Variants in CA10 observed in about 807,000 individuals in gnomAD.
The protein encoded by CA10 is carbonic anhydrase-related protein 10.
In CA10, 14 loss-of-function variants were observed where a neutral mutation model predicts 44.2. The ratio of observed to expected loss-of-function variants is 0.32; its 90% CI spans 0.21 to 0.50. The LOEUF is 0.50. CA10 is among the 20% of genes least tolerant of loss of function. The probability of loss-of-function intolerance (pLI) is 0.99; values close to 1 mark genes in which losing one functional copy is unlikely to be tolerated. For missense variants in CA10, 350 were observed against 409.7 expected (o/e 0.85, Z 1.26); for synonymous variants, 159 against 141.6 (o/e 1.12, Z -0.87).
Position 51,717,831 on chromosome 17 carries a change from A to G in CA10, c.465+29802T>C, listed in dbSNP as rs56020047. Among the ~76,000 whole-genome samples the G allele has an allele frequency of 2.5e-3, 120 of 47,260 alleles. 8 individuals carry two copies. Among genetic ancestry groups the G allele is most frequent in the African/African-American group, 9.1e-3 (74 of 8,136 alleles). The allele number at this position is 47,260 out of a possible 152,430, so 31.0% of individuals were successfully genotyped here. A position where few individuals can be genotyped will look rare whatever the true frequency, so the allele number is the denominator to read the frequency against. ...TATACACGTATATATATGTGTGTGT[A>G]TATATATATATATATATATATATAT... is the stretch of plus-strand genomic sequence containing the variant. On this transcript the variant is annotated intron_variant, in intron 4 of 8. Coordinates refer to ENST00000451037, the MANE Select transcript of CA10 (RefSeq NM_020178.5).
intron 3 of CA10, among the ~76,000 whole-genome samples, chr17:51,768,586 T>A (rs918766555): frequency 9.2e-5 from 14 of 152,194 alleles, no homozygotes; most frequent in African/African-American, 3.4e-4. Flanking sequence ...TCTGCTTACA[T>A]GGGGAGAGAC....
chr17:51,692,416 T>TATCTATCTA (rs1567805334), intron 4 of CA10, among the ~76,000 whole-genome samples: 1 of 125,300 alleles, frequency 8.0e-6, no homozygotes, highest in African/African-American at 2.6e-5. Flanking sequence ...TCTATCTATC[T>TATCTATCTA]ATCTATCTAT....
chr17:51,812,807 A>G (rs1232698577), intron 3 of CA10, among the ~76,000 whole-genome samples: 1 of 152,118 alleles, frequency 6.6e-6, no homozygotes, highest in Non-Finnish European at 1.5e-5. Flanking sequence ...GCTTGAGTAC[A>G]AGGAAAGGCA....
intron 3 of CA10, among the ~76,000 whole-genome samples, chr17:51,877,399 C>A (rs1323274632): frequency 6.6e-6 from 1 of 152,168 alleles, no homozygotes; most frequent in Non-Finnish European, 1.5e-5. Flanking sequence ...GTGGGTAATG[C>A]ATTTAACACA....
At chr17:51,866,930 GA>G (rs1979573730) in intron 3 of CA10, among the ~76,000 whole-genome samples, 1 of 152,136 alleles carries the variant, frequency 6.6e-6, no homozygotes. Context: ...CAGTTTCTCA[GA>G]AATAGTCTCC....
intron 3 of CA10, among the ~76,000 whole-genome samples, chr17:51,871,930 T>TAC (rs888830388): frequency 5.3e-4 from 81 of 152,182 alleles, no homozygotes; most frequent in African/African-American, 1.9e-3. Flanking sequence ...ATGAAACATG[T>TAC]ACCTTAAAAG....
intron 3 of CA10, among the ~76,000 whole-genome samples, chr17:51,771,530 A>C (rs544629212): frequency 6.6e-6 from 1 of 152,248 alleles, no homozygotes; most frequent in South Asian, 2.1e-4. Context: ...TGTAATGGCT[A>C]TGTTGGGTCT....
intron 3 of CA10, among the ~76,000 whole-genome samples, chr17:51,835,007 C>A (rs1908423567): frequency 1.3e-5 from 2 of 152,102 alleles, no homozygotes; most frequent in African/African-American, 2.4e-5. Context: ...ATGGGACCAA[C>A]CCTTCCCTGC....
chr17:51,733,076 C>T (rs1232544350), intron 4 of CA10, among the ~76,000 whole-genome samples: 2 of 152,226 alleles, frequency 1.3e-5, no homozygotes, highest in East Asian at 3.9e-4. Context: ...GTTACTTGCC[C>T]CCCAAAGCAC....
chr17:52,007,242 TTCTTC>T (rs1985631653), intron 2 of CA10, among the ~76,000 whole-genome samples: 10 of 151,720 alleles, frequency 6.6e-5, no homozygotes, highest in Admixed American at 6.6e-4. Context: ...ATAGTTTATA[TTCTTC>T]TCTTTTCTTT....
At chr17:51,830,019 A>G (rs1418203078) in intron 3 of CA10, among the ~76,000 whole-genome samples, 1 of 152,076 alleles carries the variant, frequency 6.6e-6, no homozygotes, top group African/African-American at 2.4e-5. Context: ...CAATATGGTG[A>G]AACCCCATCT....
intron 5 of CA10, among the ~76,000 whole-genome samples, chr17:51,653,332 C>T (rs1390978773): frequency 6.6e-6 from 1 of 152,154 alleles, no homozygotes; most frequent in African/African-American, 2.4e-5. Flanking sequence ...GTATTATATC[C>T]TTCTGATTTC....
At chr17:52,082,510 T>C (rs117917903) in intron 1 of CA10, among the ~76,000 whole-genome samples, 2,797 of 152,330 alleles carry the variant, frequency 0.018, 40 homozygotes, top group Non-Finnish European at 0.029. Flanking sequence ...ATTGGTTATC[T>C]AGTTGTTTGA....
intron 3 of CA10, among the ~76,000 whole-genome samples, chr17:51,777,946 T>C (rs1443336482): frequency 6.6e-6 from 1 of 152,136 alleles, no homozygotes; most frequent in East Asian, 1.9e-4. Context: ...TGTCCATAAA[T>C]ATTATATATA....
At chr17:51,980,238 T>C (rs956179419) in intron 2 of CA10, among the ~76,000 whole-genome samples, 4 of 152,170 alleles carry the variant, frequency 2.6e-5, no homozygotes, top group African/African-American at 9.6e-5. Context: ...TGGTGTGAGA[T>C]GGTATTTCAT....
chr17:51,728,056 T>TTTG (rs957859778), intron 4 of CA10, among the ~76,000 whole-genome samples: 2 of 152,040 alleles, frequency 1.3e-5, no homozygotes, highest in East Asian at 1.9e-4. Context: ...CAGCTAATTT[T>TTTG]TTGTTGTTGT....
At chr17:52,090,645 C>T (rs530308554) in intron 1 of CA10, among the ~76,000 whole-genome samples, 3 of 152,172 alleles carry the variant, frequency 2.0e-5, no homozygotes, top group African/African-American at 7.2e-5. Flanking sequence ...TAGAATATAA[C>T]TATTTTTTTC....
intron 1 of CA10, among the ~76,000 whole-genome samples, chr17:52,099,576 A>G (rs1397763977): frequency 6.6e-6 from 1 of 152,188 alleles, no homozygotes; most frequent in Non-Finnish European, 1.5e-5. Context: ...TCATTGGATC[A>G]TGGTAAGTTT....
chr17:51,813,919 G>T (rs1232724779), intron 3 of CA10, among the ~76,000 whole-genome samples: 5 of 152,180 alleles, frequency 3.3e-5, no homozygotes, highest in Admixed American at 3.3e-4. Context: ...ATGTTTCCAA[G>T]CTCTCAGGTG....
Sources: allele counts gnomAD v4.1 joint callset (sites outside exome capture counted in the v4.1 genomes callset), GRCh38; gene constraint gnomAD v4.1.1; transcripts MANE v1.5; gene names NCBI Gene and HGNC (gene_info 2026-07-23, HGNC 2026-07-21).